The following RASSF8 variants were observed in gnomAD, a reference collection of about 807,000 sequenced individuals.
RASSF8 encodes the protein Ras association domain family member 8.
In RASSF8, 22 loss-of-function variants were observed where a neutral mutation model predicts 48.5. That is an observed-to-expected ratio of 0.45 (90% CI 0.32 to 0.65). RASSF8 has a LOEUF of 0.65. Ranked by LOEUF, RASSF8 falls within the 30% of genes least tolerant of loss-of-function variation. RASSF8 has a pLI of 0.03. For missense variants in RASSF8, 418 were observed against 489.2 expected, an observed-to-expected ratio of 0.85 and a Z score of 1.37; for synonymous variants, 127 against 171.5, an observed-to-expected ratio of 0.74 and a Z score of 2.03.
intron 2 of RASSF8, among the ~76,000 whole-genome samples, chr12:26,034,251 G>A (rs551988215): frequency 6.6e-6 from 1 of 152,200 alleles, no homozygotes; most frequent in South Asian, 2.1e-4. Flanking sequence ...AGTGAGGGGA[G>A]ATGTGTCAAT....
chr12:25,979,200 A>ACT (rs1941680330), intron 1 of RASSF8, among the ~76,000 whole-genome samples: 1 of 152,154 alleles, frequency 6.6e-6, no homozygotes, highest in African/African-American at 2.4e-5. Context: ...ACCAACTAGT[A>ACT]GATAAGCTTG....
Position 26,055,430 on chromosome 12 carries a change from C to G in RASSF8, c.87C>G (p.Ala29=). 1 of 1,613,826 alleles carries G rather than the reference C, an allele frequency of 6.2e-7. No homozygotes were observed. The highest frequency in any genetic ancestry group is 1.1e-5 in the South Asian group (1 of 91,080). ...EVTTCQEVVI[A]LAQAIGRTGR... ...CAACTTGCCAGGAGGTTGTCATAGC[C>G]TTAGCTCAAGCAATAGGTGAGTGAA... The change falls in exon 3 of 6, where the codon GCC becomes GCG. Residue 29 remains alanine (A), a synonymous_variant. Transcript: ENST00000689635.
At position 26,033,895 on chromosome 12, in the gene RASSF8, T is replaced by G. The variant is rs139708793; in HGVS notation, c.-108-21341T>G. ...CTTTCTGAGCCTCCAGGGCCTCATT[T>G]GTAAAATGGGGATGAGAATAAAAAC... is the stretch of plus-strand genomic sequence containing the variant. On this transcript the variant is annotated intron_variant, in intron 2 of 5. Coordinates refer to ENST00000689635, the MANE Select transcript of RASSF8 (RefSeq NM_001394098.1). Among the ~76,000 whole-genome samples, 5 of 152,148 alleles carry G rather than the reference T, an allele frequency of 3.3e-5. No homozygotes were observed. The East Asian group carries it at 5.8e-4, about 18-fold the overall frequency.
intron 1 of RASSF8, among the ~76,000 whole-genome samples, chr12:25,987,350 T>G (rs944429630): frequency 3.9e-5 from 6 of 152,212 alleles, no homozygotes; most frequent in Non-Finnish European, 7.3e-5. Context: ...TTAGATTTTT[T>G]TGACTAGCCT....
At position 26,003,652 on chromosome 12, in the gene RASSF8, T is replaced by C. The variant is rs541842104; in HGVS notation, c.-109+8522T>C. Among the ~76,000 whole-genome samples the C allele has an allele frequency of 3.3e-5, 5 of 152,238 alleles. No individual in the cohort carries two copies. The South Asian group carries it at 1.0e-3, about 32-fold the overall frequency. ...GGGAATAAAAACCTAGAAGGAAACA[T>C]ACTAAAGTGTTAATGATGATTTTTC... On this transcript the variant is annotated intron_variant, in intron 2 of 5. Coordinates refer to ENST00000689635, the MANE Select transcript of RASSF8 (RefSeq NM_001394098.1).
Position 26,069,832 on chromosome 12 carries a change from T to C in RASSF8, c.*1014T>C. 1.0e-6 allele frequency: 1 copy of C among 985,232 alleles called. No individual in the cohort carries two copies. Among genetic ancestry groups the C allele is most frequent in the Non-Finnish European group, 1.2e-6 (1 of 829,724 alleles). The allele number at this position is 985,232 out of a possible 1,614,324, so 61.0% of individuals were successfully genotyped here. A position where few individuals can be genotyped will look rare whatever the true frequency, so the allele number is the denominator to read the frequency against. On this transcript the variant is annotated 3_prime_UTR_variant, in exon 6 of 6. Transcript: ENST00000689635. ...TGCACATAATTTGCTCTGCATATTA[T>C]GGACCATTGTGGTTTCTTCCAGTCA... is the stretch of plus-strand genomic sequence containing the variant.
chr12:26,021,249 A>G lies in RASSF8; in HGVS notation c.-109+26119A>G, dbSNP rs78570139. Among the ~76,000 whole-genome samples the G allele has an allele frequency of 5.9e-3, 895 of 152,334 alleles. 9 individuals are homozygous for G. Among genetic ancestry groups the G allele is most frequent in the African/African-American group, 0.021 (853 of 41,576 alleles). The stretch of plus-strand genomic sequence containing the variant: ...ACACTCAACAAATGAAGAAACATAT[A>G]TTTAAGAAAATCTAAAACTTGGTCA... On this transcript the variant is annotated intron_variant, in intron 2 of 5. Transcript: ENST00000689635.
At chr12:25,979,721 T>C (rs1941693263) in intron 1 of RASSF8, among the ~76,000 whole-genome samples, 1 of 152,172 alleles carries the variant, frequency 6.6e-6, no homozygotes, top group Non-Finnish European at 1.5e-5. Context: ...CCACCATTAT[T>C]GGTTTTAACT....
chr12:26,015,202 G>C (rs1265139981), intron 2 of RASSF8, among the ~76,000 whole-genome samples: 7 of 130,258 alleles, frequency 5.4e-5, no homozygotes, highest in Non-Finnish European at 1.2e-4. Flanking sequence ...ATGAGATCCC[G>C]TCTCAAAAAA....
At chr12:26,001,843 C>T (rs1942266231) in intron 2 of RASSF8, among the ~76,000 whole-genome samples, 1 of 151,830 alleles carries the variant, frequency 6.6e-6, no homozygotes, top group Admixed American at 6.6e-5. Flanking sequence ...ATAGTAAATA[C>T]ACAAACTGGT....
chr12:26,003,806 A>G (rs534963615), intron 2 of RASSF8, among the ~76,000 whole-genome samples: 3 of 152,096 alleles, frequency 2.0e-5, no homozygotes, highest in Non-Finnish European at 4.4e-5. Flanking sequence ...GGTTGACCTG[A>G]TGTCTATGAT....
intron 2 of RASSF8, among the ~76,000 whole-genome samples, chr12:26,042,278 C>T (rs1394536158): frequency 6.6e-6 from 1 of 152,176 alleles, no homozygotes; most frequent in Non-Finnish European, 1.5e-5. Flanking sequence ...ACAGCCTATT[C>T]AGGCCTATCT....
intron 2 of RASSF8, among the ~76,000 whole-genome samples, chr12:26,028,909 A>T (rs1417171887): frequency 1.3e-5 from 2 of 152,096 alleles, no homozygotes; most frequent in Non-Finnish European, 1.5e-5. Flanking sequence ...ACCCTGGCTA[A>T]TTTGCTTTTT....
At chr12:26,023,640 G>C (rs900909231) in intron 2 of RASSF8, among the ~76,000 whole-genome samples, 1 of 151,530 alleles carries the variant, frequency 6.6e-6, no homozygotes, top group African/African-American at 2.4e-5. Flanking sequence ...AACTCCAGAC[G>C]GTAATTTGAA....
chr12:25,963,039 A>T lies in RASSF8; in HGVS notation c.-203+3891A>T, dbSNP rs149099790. On this transcript the variant is annotated intron_variant, in intron 1 of 5. Transcript: ENST00000689635. Reference sequence around the variant, plus strand: ...AGGAAAAAAAATCTTACTGTGCCTTACTATTTTACAGAGCGTCACATGATA... The same window carrying T: ...AGGAAAAAAAATCTTACTGTGCCTTTCTATTTTACAGAGCGTCACATGATA... Among the ~76,000 whole-genome samples the T allele has an allele frequency of 3.3e-5, 5 of 152,306 alleles. No individual in the cohort carries two copies. In the East Asian group the frequency reaches 9.6e-4, roughly 29 times the overall value.
intron 1 of RASSF8, among the ~76,000 whole-genome samples, chr12:25,969,378 C>T (rs1941432163): frequency 6.6e-6 from 1 of 151,986 alleles, no homozygotes; most frequent in Non-Finnish European, 1.5e-5. Context: ...CTCACAGTGT[C>T]GTAAGGATTA....
chr12:26,035,269 CAGA>C (rs1217918837), intron 2 of RASSF8, among the ~76,000 whole-genome samples: 1 of 151,298 alleles, frequency 6.6e-6, no homozygotes, highest in Non-Finnish European at 1.5e-5. Flanking sequence ...CGGCTAGAAA[CAGA>C]AGAACTTCTT....
At chr12:26,067,904 C>T (rs1357301457) in intron 5 of RASSF8, among the ~76,000 whole-genome samples, 191 bp downstream of exon 5, 3 of 152,044 alleles carry the variant, frequency 2.0e-5, no homozygotes, top group Admixed American at 2.0e-4. Flanking sequence ...GCCGGGGCTA[C>T]AGGTGCATGC....
At chr12:25,974,499 T>C (rs535891410) in intron 1 of RASSF8, among the ~76,000 whole-genome samples, 2,257 of 14,728 alleles carry the variant, frequency 0.15, 70 homozygotes, top group African/African-American at 0.29. Context: ...TAAAATACCT[T>C]TTTTTTTTTT....
Sources: gnomAD v4.1 joint callset for allele counts (sites outside exome capture counted in the v4.1 genomes callset) on GRCh38, gnomAD v4.1.1 for gene constraint, MANE v1.5 for transcripts, NCBI Gene and HGNC (gene_info 2026-07-23, HGNC 2026-07-21) for gene names.